The following TMEM17 variants were observed in gnomAD, a reference collection of about 807,000 sequenced individuals.
TMEM17 encodes transmembrane protein 17.
TMEM17 carries 15 observed loss-of-function variants against 19.1 expected under a neutral mutation model. That is an observed-to-expected ratio of 0.78 (90% CI 0.52 to 1.21). The LOEUF (loss-of-function observed/expected upper bound fraction) is 1.21, where lower values mean the gene tolerates loss of function less well. Among genes scored for constraint, TMEM17 ranks in the 50% most tolerant of loss-of-function variants. The pLI is 0.00. For missense variants in TMEM17, 245 were observed against 242.3 expected, an observed-to-expected ratio of 1.01 and a Z score of -0.07; for synonymous variants, 103 against 86.9, an observed-to-expected ratio of 1.19 and a Z score of -1.03.
chr2:62,502,458 G>A lies in TMEM17; in HGVS notation c.297C>T (p.Tyr99=), dbSNP rs139384662. Residue 99 remains tyrosine (Y), a synonymous_variant, in exon 3 of 4, where the codon TAC becomes TAT. Transcript: ENST00000335390. ...LIEAIRLYLG[Y]VGNLQEKVPE... ...TTACCTTCTCCTGTAGGTTACCCACGTAGCCCAGATACAACCGGATGGCTT... is the reference window on the plus strand; with the variant it reads ...TTACCTTCTCCTGTAGGTTACCCACATAGCCCAGATACAACCGGATGGCTT... 6.5e-5 allele frequency: 105 copies of A among 1,610,074 alleles called. No homozygotes were observed. Among genetic ancestry groups the A allele is most frequent in the Admixed American group, 4.2e-4 (25 of 59,946 alleles).
chr2:62,487,575 C>T, the TMEM17 span, among the ~76,000 whole-genome samples: 1 of 152,146 alleles, frequency 6.6e-6, no homozygotes, highest in Admixed American at 6.5e-5. Context: ...TCATTTGACC[C>T]TAAAAATGCC....
At chr2:62,496,705 G>C (rs552049504), downstream of TMEM17, among the ~76,000 whole-genome samples, 20 of 152,148 alleles carry the variant, frequency 1.3e-4, no homozygotes, top group Non-Finnish European at 2.9e-4. Flanking sequence ...TATTCCTTTA[G>C]AGTTTTTAAA....
the TMEM17 span, among the ~76,000 whole-genome samples, chr2:62,474,015 C>T: frequency 1.3e-5 from 2 of 152,040 alleles, no homozygotes; most frequent in African/African-American, 4.8e-5. Context: ...CCCAGGGAGG[C>T]CACACTGAGG....
At chr2:62,497,869 G>C (rs1357516993), downstream of TMEM17, among the ~76,000 whole-genome samples, 2 of 152,204 alleles carry the variant, frequency 1.3e-5, no homozygotes, top group Non-Finnish European at 2.9e-5. Flanking sequence ...CCTGTTACCT[G>C]TCAGGTACTT....
chr2:62,489,171 A>G, the TMEM17 span, among the ~76,000 whole-genome samples: 1 of 152,198 alleles, frequency 6.6e-6, no homozygotes, highest in African/African-American at 2.4e-5. Flanking sequence ...TTGACTCTTC[A>G]TCTTCTAACT....
the TMEM17 span, among the ~76,000 whole-genome samples, chr2:62,488,765 C>T: frequency 6.8e-6 from 1 of 146,664 alleles, no homozygotes; most frequent in South Asian, 2.3e-4. Flanking sequence ...CTGCTGTTTG[C>T]TAGCACTTCC....
the TMEM17 span, among the ~76,000 whole-genome samples, chr2:62,486,641 C>A: frequency 6.6e-6 from 1 of 152,136 alleles, no homozygotes. Flanking sequence ...TTGGAGAAGC[C>A]TGGAGGAGAC....
In TMEM17 at chr2:62,502,491, G is replaced by A. The variant is rs772164894; in HGVS notation, c.264C>T (p.Thr88=). 1 of 1,613,294 alleles carries A rather than the reference G, an allele frequency of 6.2e-7. No homozygotes were observed. Among genetic ancestry groups the A allele is most frequent in the Non-Finnish European group, 8.5e-7 (1 of 1,179,346 alleles). Residue 88 remains threonine, a synonymous_variant, in exon 3 of 4, where the codon ACC becomes ACT. Coordinates refer to ENST00000335390, the MANE Select transcript of TMEM17 (RefSeq NM_198276.3). The stretch of plus-strand genomic sequence containing the variant: ...GATACAACCGGATGGCTTCAATTAA[G>A]GTTATTAGGATGATAACAGTGATCA... ...FIVITVIILI[T]LIEAIRLYLG... is the part of the protein sequence containing the mutation.
At chr2:62,461,218 C>T in the TMEM17 span, among the ~76,000 whole-genome samples, 1 of 152,180 alleles carries the variant, frequency 6.6e-6, no homozygotes. Flanking sequence ...GAACTCTGCT[C>T]CCTGATTACC....
the TMEM17 span, among the ~76,000 whole-genome samples, chr2:62,466,468 G>A: frequency 5.9e-5 from 9 of 152,218 alleles, no homozygotes; most frequent in Admixed American, 5.9e-4. Context: ...TGCGATGTGA[G>A]TGTGACTTGC....
At chr2:62,454,871 C>G in the TMEM17 span, among the ~76,000 whole-genome samples, 4 of 152,044 alleles carry the variant, frequency 2.6e-5, no homozygotes, top group Non-Finnish European at 5.9e-5. Context: ...GCCTGGATAA[C>G]TTTTTTGTAT....
At chr2:62,465,787 G>T in the TMEM17 span, among the ~76,000 whole-genome samples, 1 of 152,088 alleles carries the variant, frequency 6.6e-6, no homozygotes, top group African/African-American at 2.4e-5. Flanking sequence ...AAAGTAAAGG[G>T]CAATCCATTC....
chr2:62,458,266 G>A, the TMEM17 span, among the ~76,000 whole-genome samples: 3 of 152,228 alleles, frequency 2.0e-5, no homozygotes, highest in Admixed American at 6.5e-5. Context: ...TGTCCGTGAG[G>A]CAAGCCTGCT....
chr2:62,461,084 C>T, the TMEM17 span, among the ~76,000 whole-genome samples: 1 of 152,186 alleles, frequency 6.6e-6, no homozygotes, highest in Non-Finnish European at 1.5e-5. Flanking sequence ...GTGTGTGTGC[C>T]TTCCCACAGA....
the TMEM17 span, among the ~76,000 whole-genome samples, chr2:62,462,614 A>C: frequency 7.2e-5 from 11 of 152,238 alleles, no homozygotes; most frequent in African/African-American, 2.4e-4. Flanking sequence ...AAACACTGGT[A>C]ATCAGGGGAA....
chr2:62,477,602 G>C, the TMEM17 span, among the ~76,000 whole-genome samples: 1 of 152,220 alleles, frequency 6.6e-6, no homozygotes, highest in East Asian at 1.9e-4. Context: ...GAAAGCAAAA[G>C]ACATGGGCTG....
the TMEM17 span, among the ~76,000 whole-genome samples, chr2:62,481,140 C>T: frequency 2.6e-5 from 4 of 152,006 alleles, no homozygotes; most frequent in African/African-American, 7.2e-5. Flanking sequence ...AGAAGTCTTT[C>T]ACCTCCTTGG....
chr2:62,491,249 G>A, the TMEM17 span: 9 of 152,678 alleles, frequency 5.9e-5, no homozygotes, highest in South Asian at 1.0e-3. Flanking sequence ...ACTTGAGCCC[G>A]GGAGTTCTGG....
At chr2:62,456,793 C>T in the TMEM17 span, among the ~76,000 whole-genome samples, 8 of 152,246 alleles carry the variant, frequency 5.3e-5, no homozygotes, top group East Asian at 1.5e-3. Flanking sequence ...GACCTCTCAC[C>T]TCTTTCTTCT....
Sources: allele counts gnomAD v4.1 joint callset (sites outside exome capture counted in the v4.1 genomes callset), GRCh38; gene constraint gnomAD v4.1.1; transcripts MANE v1.5; gene names NCBI Gene and HGNC (gene_info 2026-07-23, HGNC 2026-07-21).